Variants in CAB39 observed in about 807,000 individuals in gnomAD.
CAB39 encodes the protein calcium binding protein 39.
Under a neutral mutation model 40.0 loss-of-function variants are expected in CAB39, and 8 were observed. That is an observed-to-expected ratio of 0.20 (90% confidence interval 0.12 to 0.36). The LOEUF (loss-of-function observed/expected upper bound fraction) is 0.36, where lower values mean the gene tolerates loss of function less well. Among genes scored for constraint, CAB39 ranks in the 10% least tolerant of loss-of-function variants. The pLI, the probability that CAB39 is intolerant of heterozygous loss-of-function variation, is 1.00. For synonymous variants in CAB39, 156 were observed against 141.6 expected, an observed-to-expected ratio of 1.10 and a Z score of -0.72; for missense variants, 270 against 401.1, an observed-to-expected ratio of 0.67 and a Z score of 2.79.
At chr2:230,751,340 A>G (rs1695082525) in intron 1 of CAB39, among the ~76,000 whole-genome samples, 1 of 152,204 alleles carries the variant, frequency 6.6e-6, no homozygotes, top group South Asian at 2.1e-4. Context: ...GCCCACATCC[A>G]TACACACCAG....
At chr2:230,734,016 T>C (rs1694741535) in intron 1 of CAB39, among the ~76,000 whole-genome samples, 1 of 152,218 alleles carries the variant, frequency 6.6e-6, no homozygotes, top group African/African-American at 2.4e-5. Context: ...GCAGAGTATA[T>C]GGAAGAATAA....
At chr2:230,756,640 G>C (rs112159874) in intron 1 of CAB39, among the ~76,000 whole-genome samples, 3,458 of 151,958 alleles carry the variant, frequency 0.023, 60 homozygotes, top group Non-Finnish European at 0.038. Context: ...TAAAAATAAA[G>C]AGGATAGTTT....
intron 1 of CAB39, among the ~76,000 whole-genome samples, chr2:230,751,707 G>A (rs1316769258): frequency 6.6e-6 from 1 of 152,096 alleles, no homozygotes; most frequent in Non-Finnish European, 1.5e-5. Context: ...GTGATTTGAT[G>A]TCTTTGTTCT....
At chr2:230,768,714 TATTA>T (rs1263447881) in intron 2 of CAB39, among the ~76,000 whole-genome samples, 2 of 152,198 alleles carry the variant, frequency 1.3e-5, no homozygotes, top group Non-Finnish European at 2.9e-5. Context: ...GAATGGTTAA[TATTA>T]ATTGACAAAA....
chr2:230,803,623 G>A (rs1696132641), intron 5 of CAB39, among the ~76,000 whole-genome samples: 2 of 152,158 alleles, frequency 1.3e-5, no homozygotes, highest in Admixed American at 1.3e-4. Context: ...CAGACAGAGA[G>A]CCAAATCATG....
intron 3 of CAB39, among the ~76,000 whole-genome samples, chr2:230,791,714 A>G (rs1695895536): frequency 6.6e-6 from 1 of 152,218 alleles, no homozygotes; most frequent in Non-Finnish European, 1.5e-5. Context: ...CTCCTGTCTC[A>G]GGGCCCATTT....
At chr2:230,714,823 A>T (rs921671063) in intron 1 of CAB39, among the ~76,000 whole-genome samples, 3 of 152,236 alleles carry the variant, frequency 2.0e-5, no homozygotes, top group Non-Finnish European at 4.4e-5. Context: ...TAGCAGCTGT[A>T]TTCGAAATCT....
At chr2:230,722,329 A>G (rs1287313641) in intron 1 of CAB39, among the ~76,000 whole-genome samples, 1 of 152,206 alleles carries the variant, frequency 6.6e-6, no homozygotes, top group African/African-American at 2.4e-5. Context: ...TATTTAAAAA[A>G]TATTTTTTGT....
chr2:230,765,380 C>T (rs1378794945), intron 2 of CAB39, among the ~76,000 whole-genome samples: 1 of 152,046 alleles, frequency 6.6e-6, no homozygotes, highest in Non-Finnish European at 1.5e-5. Flanking sequence ...AATAGCAATA[C>T]AGAGGGAGGA....
At chr2:230,756,655 CTG>C (rs956802440) in intron 1 of CAB39, among the ~76,000 whole-genome samples, 4 of 138,290 alleles carry the variant, frequency 2.9e-5, no homozygotes, top group Non-Finnish European at 6.1e-5. Context: ...TAGTTTCTAA[CTG>C]TTTGTTTATT....
At chr2:230,770,749 G>A (rs1282418316) in intron 2 of CAB39, among the ~76,000 whole-genome samples, 1 of 152,044 alleles carries the variant, frequency 6.6e-6, no homozygotes, top group Non-Finnish European at 1.5e-5. Context: ...TGCAGAGCTA[G>A]TATAACATTA....
chr2:230,800,442 A>G lies in CAB39; in HGVS notation c.567+1545A>G, dbSNP rs568372832. Among the ~76,000 whole-genome samples, 3 of 152,382 alleles carry G rather than the reference A, an allele frequency of 2.0e-5. No homozygotes were observed. The South Asian group carries it at 6.2e-4, about 32-fold the overall frequency. ...ATATTTGTATGTAGGTGTACAAAGC[A>G]AAACAAAATGAATTTGAGATTATAA... On this transcript the variant is annotated intron_variant, in intron 5 of 8. Transcript: ENST00000258418.
intron 1 of CAB39, among the ~76,000 whole-genome samples, chr2:230,748,842 A>ATATG (rs1695033723): frequency 1.3e-5 from 1 of 78,274 alleles, no homozygotes; most frequent in Non-Finnish European, 2.3e-5. Flanking sequence ...ATATATATAT[A>ATATG]TATATATATA....
intron 2 of CAB39, among the ~76,000 whole-genome samples, chr2:230,760,521 T>G (rs56659421): frequency 0.013 from 1,928 of 152,246 alleles, 40 homozygotes; most frequent in African/African-American, 0.044. Context: ...TTGGTTGGTT[T>G]GTTTGTAAAA....
chr2:230,713,474 T>A (rs1256764525), intron 1 of CAB39: 1 of 152,472 alleles, frequency 6.6e-6, no homozygotes, highest in Non-Finnish European at 1.5e-5. Flanking sequence ...CCCGGGGGCC[T>A]GCAGTCCAGG....
chr2:230,780,431 C>A (rs545527530), intron 2 of CAB39, among the ~76,000 whole-genome samples: 49 of 152,248 alleles, frequency 3.2e-4, no homozygotes, highest in African/African-American at 1.1e-3. Flanking sequence ...TTTTTCTGAA[C>A]CAAAATCTAA....
intron 2 of CAB39, among the ~76,000 whole-genome samples, chr2:230,786,505 G>A (rs1695797226): frequency 6.6e-6 from 1 of 152,128 alleles, no homozygotes; most frequent in South Asian, 2.1e-4. Context: ...AGGACATTTT[G>A]TCACCTCACA....
rs371297550 is a variant in CAB39 at position 230,773,314 on chromosome 2, A to ATATGTGTGTG, written c.114+13200_114+13201insATGTGTGTGT. 9.5e-3 allele frequency among the ~76,000 whole-genome samples: 1,260 copies of ATATGTGTGTG among 132,650 alleles called. 22 individuals are homozygous for ATATGTGTGTG. The highest frequency in any genetic ancestry group is 0.032 in the African/African-American group (1,052 of 32,392). The allele number at this position is 132,650 out of a possible 152,430, so 87.0% of individuals were successfully genotyped here. Reference sequence around the variant, plus strand: ...GGTGTATGTGTATATATATATATATATGTGTGTGTGTGTGTGTGTGTGTGT... The same window carrying ATATGTGTGTG: ...GGTGTATGTGTATATATATATATATATATGTGTGTGTGTGTGTGTGTGTGTGTGTGTGTGT... On this transcript the variant is annotated intron_variant, in intron 2 of 8. Transcript: ENST00000258418.
At chr2:230,758,600 AGTTT>A (rs1463106479) in intron 1 of CAB39, among the ~76,000 whole-genome samples, 3 of 152,222 alleles carry the variant, frequency 2.0e-5, no homozygotes, top group Non-Finnish European at 2.9e-5. Flanking sequence ...AAAACACTCA[AGTTT>A]GTTCATCAAA....
Sources: gnomAD v4.1 joint callset for allele counts (sites outside exome capture counted in the v4.1 genomes callset) on GRCh38, gnomAD v4.1.1 for gene constraint, MANE v1.5 for transcripts, NCBI Gene and HGNC (gene_info 2026-07-23, HGNC 2026-07-21) for gene names.